SPTLC1: variants seen among roughly 807,000 people sequenced by gnomAD.
SPTLC1 encodes serine palmitoyltransferase long chain base subunit 1, also known as serine palmitoyltransferase 1.
In SPTLC1, 55 loss-of-function variants were observed where a neutral mutation model predicts 68.9. The observed-to-expected ratio is 0.80, with a 90% CI of 0.64 to 1.00. SPTLC1 has a LOEUF of 1.00. SPTLC1 is among the 50% of genes least tolerant of loss of function. The pLI, the probability that SPTLC1 is intolerant of heterozygous loss-of-function variation, is 0.00. For synonymous variants in SPTLC1, 197 were observed against 201.6 expected (o/e 0.98, Z 0.19); for missense variants, 449 against 573.1 (o/e 0.78, Z 2.21).
chr9:92,040,920 AAT>A (rs1293124245), intron 12 of SPTLC1, among the ~76,000 whole-genome samples: 5 of 152,234 alleles, frequency 3.3e-5, no homozygotes, highest in African/African-American at 1.2e-4. Context: ...AGATGAGTTT[AAT>A]TAAAACCAAA....
chr9:92,079,446 G>A lies in SPTLC1; in HGVS notation c.427+570C>T. 3 of 1,599,582 alleles carry A rather than the reference G, an allele frequency of 1.9e-6. No individual in the cohort carries two copies. In the Admixed American group the frequency reaches 5.2e-5, roughly 28 times the overall value. ...TAATAAAAACAACCATAAAATGCCG[G>A]TCTTCTTTGATGACTCCCAGGGAAT... is the stretch of plus-strand genomic sequence containing the variant. On this transcript the variant is annotated intron_variant, in intron 5 of 14. Transcript: ENST00000262554.
chr9:92,095,279 T>C lies in SPTLC1; in HGVS notation c.260+13461A>G, dbSNP rs529624063. Among the ~76,000 whole-genome samples the C allele has an allele frequency of 3.1e-4, 47 of 152,234 alleles. 1 individual carries two copies. Among genetic ancestry groups the C allele is most frequent in the Admixed American group, 3.1e-3 (47 of 15,300 alleles). On this transcript the variant is annotated intron_variant, in intron 3 of 14. Coordinates refer to ENST00000262554, the MANE Select transcript of SPTLC1 (RefSeq NM_006415.4). ...GATGTAGGGAAAACTTGAATTCCTATATACTATCTCAGGGGACCATAGATG... is the reference window on the plus strand; with the variant it reads ...GATGTAGGGAAAACTTGAATTCCTACATACTATCTCAGGGGACCATAGATG...
chr9:92,080,213 G>T, intron 4 of SPTLC1, 125 bp from the exon 5 acceptor site: 1 of 760,932 alleles, frequency 1.3e-6, no homozygotes. Context: ...ATATAAAGAA[G>T]AGACAGGTGT....
chr9:92,064,850 C>A (rs1436428462), intron 6 of SPTLC1, among the ~76,000 whole-genome samples: 1 of 152,162 alleles, frequency 6.6e-6, no homozygotes, highest in Non-Finnish European at 1.5e-5. Context: ...AAAAGCCAAC[C>A]CCAAAGTGTT....
At chr9:92,069,231 T>C (rs1199623158) in intron 5 of SPTLC1, among the ~76,000 whole-genome samples, 1 of 152,222 alleles carries the variant, frequency 6.6e-6, no homozygotes, top group African/African-American at 2.4e-5. Flanking sequence ...GGAGGCAGTA[T>C]ATTTACAGAC....
At chr9:92,082,728 GATTTAT>G (rs1342854893) in intron 3 of SPTLC1, among the ~76,000 whole-genome samples, 1 of 152,080 alleles carries the variant, frequency 6.6e-6, no homozygotes, top group Non-Finnish European at 1.5e-5. Context: ...ATAGCAGCAT[GATTTAT>G]ACTCATTTGG....
At chr9:92,072,195 C>A (rs562891767) in intron 5 of SPTLC1, among the ~76,000 whole-genome samples, 2 of 152,188 alleles carry the variant, frequency 1.3e-5, no homozygotes, top group East Asian at 1.9e-4. Context: ...ATCCTCCCCA[C>A]GCTCTTCCAT....
In SPTLC1 at chr9:92,105,210, C is replaced by T. The variant is rs1835912816; in HGVS notation, c.260+3530G>A. ...GGGCCACCGCTGCAGCTGCAACCGA[C>T]CCCTCCCCTGCAACTGAGGTGGGAG... On this transcript the variant is annotated intron_variant, in intron 3 of 14. Coordinates refer to ENST00000262554, the MANE Select transcript of SPTLC1 (RefSeq NM_006415.4). 5.9e-6 allele frequency: 9 copies of T among 1,533,992 alleles called. No individual in the cohort carries two copies. In the South Asian group the frequency reaches 7.1e-5, roughly 12 times the overall value.
rs1836414442 is a variant in SPTLC1 at position 92,115,352 on chromosome 9, G to T, written c.19C>A (p.Gln7Lys). MATATE[Q>K]WVLVEMVQAL... ...TGTACCATCTCCACCAGAACCCACTGCTCCGTGGCGGTCGCCATAGTTAGC... is the reference window on the plus strand; with the variant it reads ...TGTACCATCTCCACCAGAACCCACTTCTCCGTGGCGGTCGCCATAGTTAGC... The change falls in exon 1 of 15, where the codon CAG becomes AAG. Residue 7 changes from glutamine to lysine, a missense_variant. Around this residue, in one of 3 missense-constraint regions of SPTLC1, gnomAD observed 46 missense variants for 57.8 expected, o/e 0.80. Transcript: ENST00000262554. 9.3e-6 allele frequency: 15 copies of T among 1,612,986 alleles called. No individual in the cohort carries two copies. The highest frequency in any genetic ancestry group is 1.3e-5 in the Non-Finnish European group (15 of 1,179,984).
At chr9:92,049,076 T>A (rs1473693127) in intron 9 of SPTLC1, among the ~76,000 whole-genome samples, 1 of 152,178 alleles carries the variant, frequency 6.6e-6, no homozygotes, top group Non-Finnish European at 1.5e-5. Flanking sequence ...TCCATTTACC[T>A]CCTCGGTGCA....
chr9:92,074,559 T>A (rs1222507348), intron 5 of SPTLC1, among the ~76,000 whole-genome samples: 1 of 151,952 alleles, frequency 6.6e-6, no homozygotes, highest in Non-Finnish European at 1.5e-5. Flanking sequence ...TCACCCCTTA[T>A]CATCCCATTG....
chr9:92,113,284 A>G (rs1180960816), intron 1 of SPTLC1, among the ~76,000 whole-genome samples: 1 of 152,216 alleles, frequency 6.6e-6, no homozygotes, highest in East Asian at 1.9e-4. Context: ...TCATCCCCCT[A>G]AATACAATTC....
At chr9:92,105,473 G>A in intron 3 of SPTLC1, 1 of 979,686 alleles carries the variant, frequency 1.0e-6, no homozygotes, top group African/African-American at 1.7e-5. Context: ...GGGAGGCCCA[G>A]GCGGGTGGAT....
At position 92,051,272 on chromosome 9, in the gene SPTLC1, T is replaced by C. The variant is rs563624141; in HGVS notation, c.781-1205A>G. 7 of 984,686 alleles carry C rather than the reference T, an allele frequency of 7.1e-6. No homozygotes were observed. In the South Asian group the frequency reaches 2.8e-4, roughly 40 times the overall value. 61.0% of individuals were successfully genotyped at this position (984,686 alleles called of 1,614,324 possible). On this transcript the variant is annotated intron_variant, in intron 8 of 14. Coordinates refer to ENST00000262554, the MANE Select transcript of SPTLC1 (RefSeq NM_006415.4). ...TTGAATCCTTATTCAATTAATAGAC[T>C]CCTAGATTAAAATCTCAATGGCCGA...
intron 5 of SPTLC1, among the ~76,000 whole-genome samples, chr9:92,074,442 C>G (rs1363653979): frequency 2.0e-5 from 3 of 152,184 alleles, no homozygotes; most frequent in Non-Finnish European, 4.4e-5. Context: ...CATCTCAGAG[C>G]TACCCTTTTA....
At chr9:92,058,639 C>T (rs1008123390) in intron 7 of SPTLC1, among the ~76,000 whole-genome samples, 2 of 152,172 alleles carry the variant, frequency 1.3e-5, no homozygotes, top group African/African-American at 2.4e-5. Flanking sequence ...AACAGGGCTG[C>T]AAGCTGGAAG....
At chr9:92,046,401 C>A in intron 11 of SPTLC1, 1 of 227,334 alleles carries the variant, frequency 4.4e-6, no homozygotes. Context: ...AAAAAATCAA[C>A]TATAGTAAAG....
chr9:92,088,325 C>T (rs1266374557), intron 3 of SPTLC1, among the ~76,000 whole-genome samples: 1 of 152,268 alleles, frequency 6.6e-6, no homozygotes, highest in East Asian at 1.9e-4. Flanking sequence ...GCAGAAATCA[C>T]CCGTCTTCTG....
chr9:92,051,459 G>C (rs991597955), intron 8 of SPTLC1: 6 of 163,498 alleles, frequency 3.7e-5, no homozygotes, highest in Non-Finnish European at 7.6e-5. Context: ...ATTAAAAATG[G>C]GAAGGAACTT....
Sources: allele counts gnomAD v4.1 joint callset (sites outside exome capture counted in the v4.1 genomes callset), GRCh38; gene constraint gnomAD v4.1.1; regional missense constraint gnomAD v4.1.1; transcripts MANE v1.5; gene names NCBI Gene and HGNC (gene_info 2026-07-23, HGNC 2026-07-21).